The following MTSS1 variants were observed in gnomAD, a reference collection of about 807,000 sequenced individuals.
MTSS1 encodes protein MTSS 1.
MTSS1 carries 18 observed loss-of-function variants against 79.0 expected under a neutral mutation model. The observed-to-expected ratio is 0.23, with a 90% CI of 0.16 to 0.34. MTSS1 has a LOEUF of 0.34. Among genes scored for constraint, MTSS1 ranks in the 10% least tolerant of loss-of-function variants. MTSS1 has a pLI of 1.00. For synonymous variants in MTSS1, 341 were observed against 368.6 expected (o/e 0.93, Z 0.86); for missense variants, 815 against 986.2 (o/e 0.83, Z 2.33).
chr8:124,674,902 A>G (rs1007301831), intron 3 of MTSS1, among the ~76,000 whole-genome samples: 1 of 151,974 alleles, frequency 6.6e-6, no homozygotes, highest in African/African-American at 2.4e-5. Flanking sequence ...TTGTATTTCT[A>G]GTAGAGACGG....
intron 3 of MTSS1, among the ~76,000 whole-genome samples, chr8:124,601,001 C>T (rs1833687117): frequency 1.3e-5 from 2 of 151,884 alleles, no homozygotes; most frequent in South Asian, 2.1e-4. Context: ...ACAGGAAGGC[C>T]GTTGCCCTTG....
At chr8:124,627,905 G>A (rs1261356419) in intron 3 of MTSS1, among the ~76,000 whole-genome samples, 2 of 152,182 alleles carry the variant, frequency 1.3e-5, no homozygotes, top group South Asian at 2.1e-4. Context: ...GGTGGCTCAC[G>A]CCTGTAATCC....
chr8:124,610,427 C>T (rs1835597074), intron 3 of MTSS1, among the ~76,000 whole-genome samples: 1 of 152,176 alleles, frequency 6.6e-6, no homozygotes, highest in Non-Finnish European at 1.5e-5. Context: ...AGATCTGTTG[C>T]CATGACAACA....
chr8:124,592,066 G>A (rs916575583), intron 3 of MTSS1, among the ~76,000 whole-genome samples: 2 of 152,102 alleles, frequency 1.3e-5, no homozygotes, highest in East Asian at 1.9e-4. Context: ...GATTACAGGC[G>A]TGAGCCACCA....
chr8:124,708,493 C>T (rs1047628602), intron 1 of MTSS1, among the ~76,000 whole-genome samples: 3 of 152,100 alleles, frequency 2.0e-5, no homozygotes, highest in African/African-American at 4.8e-5. Context: ...ATTAGTAAAC[C>T]AGGGTTAGGC....
chr8:124,562,200 G>A (rs996474789), intron 10 of MTSS1, among the ~76,000 whole-genome samples: 2 of 152,208 alleles, frequency 1.3e-5, no homozygotes, highest in African/African-American at 4.8e-5. Context: ...ACTGGGCTGG[G>A]CTGGGCCTAG....
At chr8:124,594,666 A>C (rs1011525915) in intron 3 of MTSS1, among the ~76,000 whole-genome samples, 3 of 152,218 alleles carry the variant, frequency 2.0e-5, no homozygotes, top group Admixed American at 6.5e-5. Context: ...GAAATAAAGA[A>C]CCACAAAGAA....
chr8:124,553,763 G>T lies in MTSS1; in HGVS notation c.1568-71C>A. ...TTTTTTGATTCTTCTGGGCTGGGAGGACAAAAGGCACGCAAGGCAGGGTAC... is the reference window on the plus strand; with the variant it reads ...TTTTTTGATTCTTCTGGGCTGGGAGTACAAAAGGCACGCAAGGCAGGGTAC... On this transcript the variant is annotated intron_variant, in intron 13 of 13. Coordinates refer to ENST00000518547, the MANE Select transcript of MTSS1 (RefSeq NM_014751.6). This position sits in a 1 kb window ranked among gnomAD's most constrained non-coding sequence, Gnocchi z 6.0. The T allele has an allele frequency of 7.2e-7, 1 of 1,382,186 alleles. No homozygotes were observed. 85.6% of individuals were successfully genotyped at this position (1,382,186 alleles called of 1,614,324 possible).
At chr8:124,606,762 C>T (rs566017077) in intron 3 of MTSS1, among the ~76,000 whole-genome samples, 5 of 152,212 alleles carry the variant, frequency 3.3e-5, no homozygotes, top group African/African-American at 1.2e-4. Context: ...CTTCCTCGCT[C>T]AACTGTGTAC....
At chr8:124,726,052 G>T (rs1332721339) in intron 1 of MTSS1, among the ~76,000 whole-genome samples, 1 of 152,012 alleles carries the variant, frequency 6.6e-6, no homozygotes, top group African/African-American at 2.4e-5. Context: ...AACTCAAACC[G>T]AAAGAAGTCA....
At chr8:124,637,610 G>A (rs188311131) in intron 3 of MTSS1, among the ~76,000 whole-genome samples, 8 of 151,138 alleles carry the variant, frequency 5.3e-5, no homozygotes, top group Non-Finnish European at 8.8e-5. Context: ...TGGCCCAGCT[G>A]CTGTTTCATG....
At chr8:124,692,030 T>A (rs949977930) in intron 3 of MTSS1, among the ~76,000 whole-genome samples, 1 of 136,258 alleles carries the variant, frequency 7.3e-6, no homozygotes, top group East Asian at 2.1e-4. Context: ...ATTACCCTGA[T>A]TTTTTTTTTT....
chr8:124,591,955 AT>A (rs5894715), intron 3 of MTSS1, among the ~76,000 whole-genome samples: 55,390 of 149,300 alleles, frequency 0.37, 10,438 homozygotes, highest in East Asian at 0.55. Flanking sequence ...TGATTTTTTT[AT>A]TTTTTTTTTA....
intron 3 of MTSS1, among the ~76,000 whole-genome samples, chr8:124,692,260 C>T (rs1210858073): frequency 2.0e-5 from 3 of 152,006 alleles, no homozygotes; most frequent in Non-Finnish European, 4.4e-5. Context: ...TAACTCCTGA[C>T]ATCAAGTGAT....
chr8:124,717,638 G>A (rs559926800), intron 1 of MTSS1, among the ~76,000 whole-genome samples: 3 of 152,122 alleles, frequency 2.0e-5, no homozygotes, highest in African/African-American at 7.3e-5. Flanking sequence ...AGGTTGCAGT[G>A]AGCTGAGATC....
At chr8:124,637,120 G>A (rs1817154515) in intron 3 of MTSS1, among the ~76,000 whole-genome samples, 1 of 152,158 alleles carries the variant, frequency 6.6e-6, no homozygotes, top group African/African-American at 2.4e-5. Context: ...ACGCAGCCCT[G>A]CCTAAGACCA....
intron 3 of MTSS1, among the ~76,000 whole-genome samples, chr8:124,599,786 G>A (rs968502846): frequency 1.3e-5 from 2 of 152,024 alleles, no homozygotes; most frequent in African/African-American, 4.8e-5. Flanking sequence ...TGGATGGCAG[G>A]CACACTCCAC....
chr8:124,715,042 T>C (rs554401361), intron 1 of MTSS1, among the ~76,000 whole-genome samples: 7 of 152,358 alleles, frequency 4.6e-5, no homozygotes, highest in African/African-American at 1.7e-4. Context: ...AAACACCTAG[T>C]GGCTTGCACA....
At chr8:124,645,477 C>G (rs899574534) in intron 3 of MTSS1, among the ~76,000 whole-genome samples, 5 of 152,188 alleles carry the variant, frequency 3.3e-5, no homozygotes, top group African/African-American at 1.2e-4. Context: ...TTCACGATCC[C>G]TATCAATGGC....
Sources: allele counts gnomAD v4.1 joint callset (sites outside exome capture counted in the v4.1 genomes callset), GRCh38; gene constraint gnomAD v4.1.1; non-coding constraint Gnocchi (gnomAD v3.1); transcripts MANE v1.5; gene names NCBI Gene and HGNC (gene_info 2026-07-23, HGNC 2026-07-21).